Variants in ROBO1 observed in about 807,000 individuals in gnomAD.
ROBO1 encodes roundabout homolog 1.
A neutral mutation model predicts 195.9 loss-of-function variants in ROBO1; 149 were observed. The ratio of observed to expected loss-of-function variants is 0.76; its 90% CI spans 0.67 to 0.87. The LOEUF is 0.87. ROBO1 is among the 40% of genes least tolerant of loss of function. The pLI, the probability that ROBO1 is intolerant of heterozygous loss-of-function variation, is 0.00. For synonymous variants in ROBO1, 816 were observed against 733.2 expected (o/e 1.11, Z -1.82); for missense variants, 1,933 against 2,068.3 (o/e 0.93, Z 1.27).
At chr3:79,269,199 G>A (rs2030287175) in intron 2 of ROBO1, among the ~76,000 whole-genome samples, 1 of 151,660 alleles carries the variant, frequency 6.6e-6, no homozygotes, top group South Asian at 2.1e-4. Context: ...AGGAGGATAT[G>A]ATATTACGAA....
intron 2 of ROBO1, among the ~76,000 whole-genome samples, chr3:79,528,914 T>C (rs1575973864): frequency 6.6e-6 from 1 of 152,206 alleles, no homozygotes; most frequent in African/African-American, 2.4e-5. Flanking sequence ...CAATATATGA[T>C]AAGCCTTCTT....
At chr3:78,811,291 A>G (rs1204700167) in intron 4 of ROBO1, among the ~76,000 whole-genome samples, 2 of 152,184 alleles carry the variant, frequency 1.3e-5, no homozygotes, top group Non-Finnish European at 2.9e-5. Context: ...AAGTTGGTTC[A>G]AGTTCAAAAA....
chr3:79,251,741 A>G (rs903071556), intron 2 of ROBO1, among the ~76,000 whole-genome samples: 1 of 152,028 alleles, frequency 6.6e-6, no homozygotes, highest in Non-Finnish European at 1.5e-5. Flanking sequence ...CAGAGCGATA[A>G]TCTGCCTCAA....
At chr3:79,209,810 C>T (rs1299995041) in intron 2 of ROBO1, among the ~76,000 whole-genome samples, 1 of 152,056 alleles carries the variant, frequency 6.6e-6, no homozygotes, top group East Asian at 1.9e-4. Flanking sequence ...ATCCGAAAAG[C>T]TCCTAGATCT....
intron 1 of ROBO1, among the ~76,000 whole-genome samples, chr3:79,738,658 G>A (rs540049929): frequency 2.0e-5 from 3 of 152,262 alleles, no homozygotes; most frequent in Non-Finnish European, 4.4e-5. Context: ...GCTGTTTTGA[G>A]TTAAAATGGG....
chr3:79,070,920 A>G (rs1201456114), intron 3 of ROBO1, among the ~76,000 whole-genome samples: 1 of 151,582 alleles, frequency 6.6e-6, no homozygotes. Context: ...ATTTTTTATT[A>G]GTTATTTTTT....
intron 4 of ROBO1, among the ~76,000 whole-genome samples, chr3:78,819,359 T>C (rs531822266): frequency 6.6e-6 from 1 of 152,156 alleles, no homozygotes; most frequent in East Asian, 1.9e-4. Context: ...TAAATGTTTT[T>C]GTAGTTTTTC....
intron 1 of ROBO1, among the ~76,000 whole-genome samples, chr3:79,681,622 T>G (rs555329207): frequency 1.3e-5 from 2 of 151,900 alleles, no homozygotes; most frequent in Non-Finnish European, 2.9e-5. Flanking sequence ...GATCTTGTGG[T>G]AGATAGTAGA....
At chr3:78,678,540 C>A (rs1028718084) in intron 10 of ROBO1, among the ~76,000 whole-genome samples, 5 of 152,052 alleles carry the variant, frequency 3.3e-5, no homozygotes, top group Non-Finnish European at 7.4e-5. Context: ...GAGAATACTA[C>A]AAACACCTCT....
intron 1 of ROBO1, among the ~76,000 whole-genome samples, chr3:79,703,722 T>G (rs1947687701): frequency 6.6e-6 from 1 of 151,966 alleles, no homozygotes; most frequent in South Asian, 2.1e-4. Flanking sequence ...ATGCCAATGC[T>G]TAGAGAAACA....
chr3:79,382,418 A>C (rs984433725), intron 2 of ROBO1, among the ~76,000 whole-genome samples: 14 of 151,922 alleles, frequency 9.2e-5, no homozygotes, highest in African/African-American at 3.4e-4. Context: ...TTTGGAATAT[A>C]AATTTTCACA....
intron 2 of ROBO1, among the ~76,000 whole-genome samples, chr3:79,155,635 C>G (rs755005363): frequency 1.1e-4 from 17 of 151,586 alleles, no homozygotes; most frequent in Non-Finnish European, 1.3e-4. Context: ...TCACATTTCC[C>G]GTGGATTATT....
intron 2 of ROBO1, among the ~76,000 whole-genome samples, chr3:79,413,667 A>G (rs1019693868): frequency 9.9e-5 from 15 of 152,194 alleles, no homozygotes; most frequent in Admixed American, 9.2e-4. Context: ...CTAGGCATAA[A>G]AGGCAGACTA....
chr3:79,307,133 C>T (rs979556058), intron 2 of ROBO1, among the ~76,000 whole-genome samples: 5 of 152,088 alleles, frequency 3.3e-5, no homozygotes, highest in African/African-American at 9.7e-5. Context: ...TCCTCAGCCT[C>T]CTCAAGACAT....
chr3:79,399,646 A>G (rs2037288058), intron 2 of ROBO1, among the ~76,000 whole-genome samples: 1 of 152,188 alleles, frequency 6.6e-6, no homozygotes, highest in African/African-American at 2.4e-5. Flanking sequence ...TTATAAACTG[A>G]AAAATGACCA....
intron 1 of ROBO1, among the ~76,000 whole-genome samples, chr3:79,693,297 C>CAATTATAAAACAATAAAATTATAAAACAA (rs1947347354): frequency 2.6e-5 from 4 of 151,570 alleles, no homozygotes; most frequent in Admixed American, 6.6e-5. Flanking sequence ...AAAACAAAGA[C>CAATTATAAAACAATAAAATTATAAAACAA]AGGAAATGTG....
intron 3 of ROBO1, among the ~76,000 whole-genome samples, chr3:79,074,018 CAT>C (rs754827460): frequency 6.6e-6 from 1 of 151,576 alleles, no homozygotes; most frequent in African/African-American, 2.4e-5. Flanking sequence ...CACAGTAATT[CAT>C]AGATACCCTT....
At chr3:79,727,052 T>C (rs533924081) in intron 1 of ROBO1, among the ~76,000 whole-genome samples, 1 of 152,308 alleles carries the variant, frequency 6.6e-6, no homozygotes, top group South Asian at 2.1e-4. Flanking sequence ...ATGTCATGGG[T>C]AACATCCGTG....
chr3:79,449,055 C>A (rs543449525), intron 2 of ROBO1, among the ~76,000 whole-genome samples: 2 of 152,026 alleles, frequency 1.3e-5, no homozygotes, highest in East Asian at 1.9e-4. Context: ...ATAGGGAGAT[C>A]CCTGTCTCTA....
Sources: gnomAD v4.1 joint callset for allele counts (sites outside exome capture counted in the v4.1 genomes callset) on GRCh38, gnomAD v4.1.1 for gene constraint, MANE v1.5 for transcripts, NCBI Gene and HGNC (gene_info 2026-07-23, HGNC 2026-07-21) for gene names.